The following LACTBL1 variants were observed in gnomAD, a reference collection of about 807,000 sequenced individuals.
The protein encoded by LACTBL1 is beta-lactamase-like protein 1.
LACTBL1 carries 29 observed loss-of-function variants against 39.6 expected under a neutral mutation model. That is an observed-to-expected ratio of 0.73 (90% CI 0.55 to 1.00). The LOEUF is 1.00. Ranked by LOEUF, LACTBL1 falls within the 50% of genes least tolerant of loss-of-function variation. The probability of loss-of-function intolerance (pLI) is 0.00; values close to 1 mark genes in which losing one functional copy is unlikely to be tolerated. For synonymous variants in LACTBL1, 361 were observed against 360.7 expected (o/e 1.00, Z -0.01); for missense variants, 711 against 748.5 (o/e 0.95, Z 0.59).
At chr1:22,960,053 G>A in exon 3 of LACTBL1, 1 of 1,550,700 alleles carries the variant, frequency 6.4e-7, no homozygotes, top group South Asian at 1.2e-5. Flanking sequence ...TGCAGACATG[G>A]CAGCCACGCC....
At chr1:22,954,635 G>A (rs961434033) in intron 5 of LACTBL1, among the ~76,000 whole-genome samples, 1 of 152,198 alleles carries the variant, frequency 6.6e-6, no homozygotes, top group African/African-American at 2.4e-5. Context: ...GAGATAAAGT[G>A]CACCACCCAA....
upstream of LACTBL1, among the ~76,000 whole-genome samples, chr1:22,965,908 A>G (rs1470271587): frequency 6.6e-6 from 1 of 152,196 alleles, no homozygotes; most frequent in Non-Finnish European, 1.5e-5. Context: ...CCATAGAGAC[A>G]GAAAGTACAT....
At chr1:22,958,036 G>A (rs756536705) in intron 4 of LACTBL1, among the ~76,000 whole-genome samples, 67 of 152,230 alleles carry the variant, frequency 4.4e-4, no homozygotes, top group Admixed American at 7.2e-4. Flanking sequence ...GTTGGTCTTT[G>A]TAATAATTTG....
chr1:22,964,308 AG>A (rs1640855902), intron 1 of LACTBL1, among the ~76,000 whole-genome samples: 1 of 152,214 alleles, frequency 6.6e-6, no homozygotes, highest in African/African-American at 2.4e-5. Context: ...TTTGGCCAAA[AG>A]AATGAGGCGG....
chr1:22,972,493 G>T, the LACTBL1 span: 2 of 937,288 alleles, frequency 2.1e-6, no homozygotes, highest in Non-Finnish European at 2.5e-6. Context: ...CGAGGATGCG[G>T]GGGATCAAAG....
exon 3 of LACTBL1, chr1:22,959,968 C>T (rs1640803086): frequency 8.4e-6 from 13 of 1,551,178 alleles, no homozygotes; most frequent in Non-Finnish European, 1.1e-5. Context: ...CATTGGGGGC[C>T]CCAGAAGCCG....
the LACTBL1 span, among the ~76,000 whole-genome samples, chr1:22,971,920 G>A: frequency 6.6e-6 from 1 of 152,292 alleles, no homozygotes; most frequent in East Asian, 1.9e-4. Flanking sequence ...GTAATAAAGG[G>A]CTTCAGGGCT....
chr1:22,960,143 C>T lies in LACTBL1; in HGVS notation c.160-44G>A, dbSNP rs1325690258. The T allele has an allele frequency of 2.6e-6, 4 of 1,547,010 alleles. No individual in the cohort carries two copies. The East Asian group carries it at 9.8e-5, about 38-fold the overall frequency. On this transcript the variant is annotated intron_variant, in intron 2 of 5. Transcript: ENST00000426928. Reference sequence around the variant, plus strand: ...GTGCAGTGACAGGCCCCCCTGCCCTCACCCTCAGTAATCATCTGCAAAGCC... The same window carrying T: ...GTGCAGTGACAGGCCCCCCTGCCCTTACCCTCAGTAATCATCTGCAAAGCC...
intron 3 of LACTBL1, among the ~76,000 whole-genome samples, chr1:22,959,276 C>T (rs1640792121): frequency 6.6e-6 from 1 of 152,180 alleles, no homozygotes; most frequent in Admixed American, 6.5e-5. Flanking sequence ...TCTGCTTCAC[C>T]GGTTGTATTA....
upstream of LACTBL1, among the ~76,000 whole-genome samples, chr1:22,970,028 T>G (rs1640922198): frequency 1.3e-5 from 2 of 152,246 alleles, no homozygotes; most frequent in Admixed American, 1.3e-4. Context: ...GACAAGTCTC[T>G]TCCCCTCTCT....
At chr1:22,959,096 G>A (rs1640790651) in intron 3 of LACTBL1, among the ~76,000 whole-genome samples, 176 bp from the exon 6 acceptor site, 1 of 152,216 alleles carries the variant, frequency 6.6e-6, no homozygotes, top group South Asian at 2.1e-4. Flanking sequence ...GGATGCTTGA[G>A]AACGTAACCA....
At chr1:22,970,096 T>A (rs1306232283), upstream of LACTBL1, among the ~76,000 whole-genome samples, 1 of 152,224 alleles carries the variant, frequency 6.6e-6, no homozygotes, top group Non-Finnish European at 1.5e-5. Flanking sequence ...AGTTTACTTT[T>A]ACATCTGGAA....
the LACTBL1 span, among the ~76,000 whole-genome samples, chr1:22,972,121 T>C: frequency 1.3e-5 from 2 of 151,506 alleles, no homozygotes; most frequent in African/African-American, 4.9e-5. Context: ...GTTCCTGGCC[T>C]GCAGGTGCAA....
At chr1:22,963,498 G>A (rs1640847650) in intron 1 of LACTBL1, among the ~76,000 whole-genome samples, 1 of 152,194 alleles carries the variant, frequency 6.6e-6, no homozygotes, top group African/African-American at 2.4e-5. Context: ...CCTGTGGTCA[G>A]TGGACTTAGA....
Position 22,960,115 on chromosome 1 carries a change from C to T in LACTBL1, c.160-16G>A, listed in dbSNP as rs894397063. The T allele has an allele frequency of 3.3e-5, 51 of 1,550,164 alleles. No individual in the cohort carries two copies. The highest frequency in any genetic ancestry group is 5.5e-5 in the African/African-American group (4 of 73,060). ...TCTGGTCCACCTTGAGGGAAAAGAA[C>T]GGGTGCAGTGACAGGCCCCCCTGCC... On this transcript the variant is annotated splice_polypyrimidine_tract_variant and intron_variant, in intron 2 of 5. Transcript: ENST00000426928.
At chr1:22,961,280 G>A (rs1355302632) in intron 2 of LACTBL1, among the ~76,000 whole-genome samples, 1 of 152,166 alleles carries the variant, frequency 6.6e-6, no homozygotes, top group African/African-American at 2.4e-5. Context: ...GAGATATGAG[G>A]TGACTTGCCC....
chr1:22,953,148 G>T, exon 6 of LACTBL1: 1 of 1,232,216 alleles, frequency 8.1e-7, no homozygotes, highest in Non-Finnish European at 1.0e-6. Flanking sequence ...CCAAGGGGTA[G>T]AAGTTGACCA....
chr1:22,962,306 C>G (rs1326620599), intron 2 of LACTBL1, among the ~76,000 whole-genome samples: 1 of 152,170 alleles, frequency 6.6e-6, no homozygotes. Context: ...GTTCCCTTCT[C>G]AGCACTCAAC....
At chr1:22,972,520 A>G in the LACTBL1 span, 2 of 724,794 alleles carry the variant, frequency 2.8e-6, no homozygotes, top group Non-Finnish European at 1.7e-6. Flanking sequence ...TCCTCTTCCC[A>G]TGGCTCCCCC....
Sources: gnomAD v4.1 joint callset for allele counts (sites outside exome capture counted in the v4.1 genomes callset) on GRCh38, gnomAD v4.1.1 for gene constraint, MANE v1.5 for transcripts, NCBI Gene and HGNC (gene_info 2026-07-23, HGNC 2026-07-21) for gene names.